DNAH5: variants seen among roughly 807,000 people sequenced by gnomAD.
DNAH5 encodes the protein axonemal beta dynein heavy chain 5.
In DNAH5, 372 loss-of-function variants were observed where a neutral mutation model predicts 518.2. The observed-to-expected ratio is 0.72, with a 90% CI of 0.66 to 0.78. The LOEUF is 0.78. Ranked by LOEUF, DNAH5 falls within the 30% of genes least tolerant of loss-of-function variation. DNAH5 has a pLI of 0.00. For synonymous variants in DNAH5, 2,039 were observed against 2,025.9 expected, an observed-to-expected ratio of 1.01 and a Z score of -0.17; for missense variants, 5,523 against 5,687.0, an observed-to-expected ratio of 0.97 and a Z score of 0.93.
intron 47 of DNAH5, among the ~76,000 whole-genome samples, chr5:13,796,909 C>T (rs1392264953): frequency 3.3e-5 from 5 of 152,122 alleles, no homozygotes; most frequent in African/African-American, 9.7e-5. Flanking sequence ...CATCTACAAC[C>T]ATCTGATCTT....
At chr5:13,728,674 A>C (rs776760640) in intron 69 of DNAH5, among the ~76,000 whole-genome samples, 8 of 152,216 alleles carry the variant, frequency 5.3e-5, no homozygotes, top group Non-Finnish European at 1.0e-4. Flanking sequence ...GGATAGCAGA[A>C]CATAAGCAAA....
intron 78 of DNAH5, among the ~76,000 whole-genome samples, chr5:13,698,933 T>C (rs1579798295): frequency 6.6e-6 from 1 of 152,148 alleles, no homozygotes; most frequent in South Asian, 2.1e-4. Context: ...GGTAGGCAAA[T>C]TCACAAATAC....
chr5:13,849,250 A>C (rs970489706), intron 31 of DNAH5, among the ~76,000 whole-genome samples: 3 of 152,352 alleles, frequency 2.0e-5, no homozygotes, highest in Admixed American at 6.5e-5. Context: ...CAGGGTTTAC[A>C]TCTCTCACGT....
At chr5:13,773,050 T>C (rs1214909738) in intron 55 of DNAH5, among the ~76,000 whole-genome samples, 1 of 152,198 alleles carries the variant, frequency 6.6e-6, no homozygotes, top group African/African-American at 2.4e-5. Flanking sequence ...TGTGGAGACA[T>C]TGATTTTCCC....
chr5:13,842,433 A>AGAGAGAGAGAGAG lies in DNAH5; in HGVS notation c.5272-530_5272-529insCTCTCTCTCTCTC, dbSNP rs1561407131. ...GAAAGAAAAGAAAAGAAAAGAAAGAAAGAAAGAAAGAAAGAAAGAAAGAAA... is the reference window on the plus strand; with the variant it reads ...GAAAGAAAAGAAAAGAAAAGAAAGAAGAGAGAGAGAGAGAGAAAGAAAGAAAGAAAGAAAGAAA... On this transcript the variant is annotated intron_variant, in intron 32 of 78. Coordinates refer to ENST00000265104, the MANE Select transcript of DNAH5 (RefSeq NM_001369.3). 1.5e-3 allele frequency among the ~76,000 whole-genome samples: 94 copies of AGAGAGAGAGAGAG among 61,920 alleles called. 3 individuals are homozygous for AGAGAGAGAGAGAG. The highest frequency in any genetic ancestry group is 5.6e-3 in the African/African-American group (86 of 15,446). The allele number at this position is 61,920 out of a possible 152,430, so 40.6% of individuals were successfully genotyped here. A position where few individuals can be genotyped will look rare whatever the true frequency, so the allele number is the denominator to read the frequency against.
chr5:13,815,174 A>G (rs1259316109), intron 42 of DNAH5, among the ~76,000 whole-genome samples: 1 of 152,220 alleles, frequency 6.6e-6, no homozygotes, highest in African/African-American at 2.4e-5. Flanking sequence ...TTACATTCTA[A>G]GGAGTAGAGA....
chr5:13,959,308 G>C (rs943539054), intron 1 of DNAH5, among the ~76,000 whole-genome samples: 1 of 152,180 alleles, frequency 6.6e-6, no homozygotes, highest in Non-Finnish European at 1.5e-5. Flanking sequence ...TGCAGATACA[G>C]GCCATTTTGA....
intron 78 of DNAH5, among the ~76,000 whole-genome samples, chr5:13,700,067 T>A (rs1741889862): frequency 2.0e-5 from 3 of 152,224 alleles, no homozygotes; most frequent in African/African-American, 7.2e-5. Flanking sequence ...ATTCAAAGAC[T>A]GAAGTAAGAA....
chr5:13,850,704 G>A lies in DNAH5; in HGVS notation c.5062C>T (p.Leu1688=), dbSNP rs2151883682. 1 of 1,614,100 alleles carries A rather than the reference G, an allele frequency of 6.2e-7. No homozygotes were observed. Among genetic ancestry groups the A allele is most frequent in the South Asian group, 1.1e-5 (1 of 91,070 alleles). ...CCVGDETLGQ[L]LPHLLDQLEI... is the part of the protein sequence containing the mutation. Reference sequence around the variant, plus strand: ...AACTGGTCCAGCAAGTGTGGTAACAGCTGCCCCAGGGTCTCATCTCCAACA... The same window carrying A: ...AACTGGTCCAGCAAGTGTGGTAACAACTGCCCCAGGGTCTCATCTCCAACA... The change falls in exon 31 of 79, where the codon CTG becomes TTG. Residue 1688 remains leucine (L), a synonymous_variant. Transcript: ENST00000265104.
At chr5:13,735,608 C>CA (rs1460741258) in intron 67 of DNAH5, among the ~76,000 whole-genome samples, 3 of 152,092 alleles carry the variant, frequency 2.0e-5, no homozygotes, top group African/African-American at 7.2e-5. Flanking sequence ...CCAAAGGAAT[C>CA]AAATCAATGG....
chr5:13,952,645 T>C (rs1487956430), intron 1 of DNAH5, among the ~76,000 whole-genome samples: 1 of 152,192 alleles, frequency 6.6e-6, no homozygotes, highest in Non-Finnish European at 1.5e-5. Context: ...TATAATCCCA[T>C]CCAGGACCTA....
chr5:13,787,157 A>G (rs1756159701), intron 51 of DNAH5, among the ~76,000 whole-genome samples: 1 of 151,718 alleles, frequency 6.6e-6, no homozygotes. Context: ...AGGTTGCCAT[A>G]AGCCAAGCCT....
chr5:14,008,284 G>A (rs1287680203), intron 1 of DNAH5, among the ~76,000 whole-genome samples: 4 of 65,582 alleles, frequency 6.1e-5, no homozygotes, highest in South Asian at 4.5e-4. Flanking sequence ...AGGGAAAGAG[G>A]AAGAAATGAG....
chr5:13,895,096 T>TCAC (rs1443806843), intron 15 of DNAH5, among the ~76,000 whole-genome samples: 1 of 2,198 alleles, frequency 4.5e-4, no homozygotes, highest in Non-Finnish European at 1.2e-3. Context: ...AAACCCCGTC[T>TCAC]CTACTAAAAA....
intron 6 of DNAH5, among the ~76,000 whole-genome samples, chr5:13,919,853 T>C (rs1053752558): frequency 6.6e-6 from 1 of 152,220 alleles, no homozygotes; most frequent in Non-Finnish European, 1.5e-5. Flanking sequence ...AAACCACAAT[T>C]ACTTTTGCAC....
chr5:14,010,871 A>T (rs550447605), intron 1 of DNAH5, among the ~76,000 whole-genome samples: 1 of 131,160 alleles, frequency 7.6e-6, no homozygotes, highest in Non-Finnish European at 1.7e-5. Context: ...ATCGATTAGC[A>T]TAATAGATCC....
chr5:13,944,261 T>C, intron 1 of DNAH5, 121 bp downstream of exon 1: 1 of 953,696 alleles, frequency 1.0e-6, no homozygotes. Flanking sequence ...TTAAAAAATG[T>C]GTTTCTCGCA....
chr5:13,753,459 T>C lies in DNAH5; in HGVS notation c.10646A>G (p.Glu3549Gly), dbSNP rs758546967. Residue 3549 changes from glutamate to glycine, a missense_variant, in exon 63 of 79, where the codon GAA (glutamate) becomes GGA (glycine). Physicochemically the swap from Glu to Gly is moderately conservative, Grantham distance 98 (BLOSUM62 -2). Transcript: ENST00000265104. ...AAATGGAATTTTCCGGGCTTTCATT[T>C]CCTTCCGCCAGTCATTTAACAGAAG... ...RDLLLNDWRK[E>G]MKARKIPFGK... 90 of 1,614,082 alleles carry C rather than the reference T, an allele frequency of 5.6e-5. No individual in the cohort carries two copies. In the Middle Eastern group the frequency reaches 8.3e-4, roughly 15 times the overall value.
At chr5:13,789,397 C>A (rs1756599863) in intron 50 of DNAH5, among the ~76,000 whole-genome samples, 2 of 152,074 alleles carry the variant, frequency 1.3e-5, no homozygotes, top group African/African-American at 4.8e-5. Flanking sequence ...AGCACCTAAT[C>A]CAGATAATCC....
Sources: allele counts gnomAD v4.1 joint callset (sites outside exome capture counted in the v4.1 genomes callset), GRCh38; gene constraint gnomAD v4.1.1; transcripts MANE v1.5; gene names NCBI Gene and HGNC (gene_info 2026-07-23, HGNC 2026-07-21).